Variants in SATL1 observed in about 807,000 individuals in gnomAD.
SATL1 encodes the protein spermidine/spermine N1-acetyl transferase like 1, also known as spermidine/spermine N(1)-acetyltransferase-like protein 1.
SATL1 carries 47 observed loss-of-function variants against 51.8 expected under a neutral mutation model. The ratio of observed to expected loss-of-function variants is 0.91; its 90% confidence interval spans 0.72 to 1.16. The LOEUF is 1.16. Among genes scored for constraint, SATL1 ranks in the 50% most tolerant of loss-of-function variants. SATL1 has a pLI of 0.00. For synonymous variants in SATL1, 176 were observed against 182.4 expected (o/e 0.97, Z 0.28); for missense variants, 520 against 526.4 (o/e 0.99, Z 0.12).
intron 2 of SATL1, among the ~76,000 whole-genome samples, chrX:85,199,229 G>T (rs773929035): frequency 9.0e-6 from 1 of 111,145 alleles, no homozygotes; most frequent in East Asian, 2.8e-4. Context: ...CTGCCTCCAT[G>T]AGTTCAATTC....
chrX:85,164,301 G>GT (rs1926785104), intron 2 of SATL1, among the ~76,000 whole-genome samples: 3 of 110,986 alleles, frequency 2.7e-5, no homozygotes, highest in Admixed American at 1.9e-4. Context: ...TGATTACCTT[G>GT]TTTTTTTATT....
chrX:85,228,421 AT>A (rs1022697031), intron 1 of SATL1, among the ~76,000 whole-genome samples: 1 of 111,611 alleles, frequency 9.0e-6, no homozygotes, highest in African/African-American at 3.3e-5. Context: ...TTTAAAAAAA[AT>A]GTCTATTGAT....
chrX:85,200,380 A>G (rs1927664555), intron 2 of SATL1, among the ~76,000 whole-genome samples: 1 of 112,453 alleles, frequency 8.9e-6, no homozygotes, highest in African/African-American at 3.2e-5. Flanking sequence ...CAATGAGCAG[A>G]TATAACTTGC....
intron 2 of SATL1, chrX:85,211,796 T>G (rs1927930424): frequency 8.9e-6 from 1 of 111,775 alleles, no homozygotes; most frequent in Non-Finnish European, 1.9e-5. Context: ...TAGATAGAAA[T>G]AGAAAGAGAC....
intron 2 of SATL1, among the ~76,000 whole-genome samples, chrX:85,173,131 T>A (rs191827994): frequency 9.0e-6 from 1 of 111,483 alleles, no homozygotes; most frequent in Admixed American, 9.6e-5. Flanking sequence ...AACTTTTATA[T>A]CATTGTTCAT....
At chrX:85,104,051 C>G (rs1924968542) in intron 3 of SATL1, 136 bp from the exon 4 acceptor site, 1 of 420,840 alleles carries the variant, frequency 2.4e-6, no homozygotes, top group Admixed American at 3.5e-5. Flanking sequence ...AGACTTAATC[C>G]CAGTCATCTA....
chrX:85,122,640 A>T (rs1925533504), intron 2 of SATL1, among the ~76,000 whole-genome samples: 1 of 112,005 alleles, frequency 8.9e-6, no homozygotes, highest in Non-Finnish European at 1.9e-5. Context: ...AGAAGAAGAA[A>T]TAAACTTTTC....
Position 85,108,421 on chromosome X carries a change from A to G in SATL1, c.548T>C (p.Leu183Pro), listed in dbSNP as rs771608450. 1.7e-6 allele frequency: 2 copies of G among 1,210,828 alleles called. No individual in the cohort carries two copies. Among genetic ancestry groups the G allele is most frequent in the Admixed American group, 4.3e-5 (2 of 45,992 alleles). The change falls in exon 3 of 8, where the codon CTG (leucine) becomes CCG (proline). Residue 183 changes from leucine (L) to proline (P), a missense_variant. Coordinates refer to ENST00000644105, the MANE Select transcript of SATL1 (RefSeq NM_001367857.2). ...TWQTGLSQPVLRQPNMSPPGM... is the reference protein window; with the variant it reads ...TWQTGLSQPVPRQPNMSPPGM... ...TGGTGGACTCATGTTTGGTTGCCTC[A>G]GGACTGGTTGGCTCAGTCCTGTTTG...
chrX:85,224,881 C>T (rs1395351772), intron 1 of SATL1, among the ~76,000 whole-genome samples: 1 of 110,185 alleles, frequency 9.1e-6, no homozygotes, highest in Non-Finnish European at 1.9e-5. Context: ...ACTTTTCCTT[C>T]AACTAGTGAA....
Position 85,108,073 on chromosome X carries a change from G to C in SATL1, c.896C>G (p.Ala299Gly). ...GTTTGTACCTGATTGCCTCATGCCA[G>C]CTTGGCTCATGCTTGGTTGTTTCAT... ...VDMKQPSMSQ[A>G]GMRQSGTNLP... is the part of the protein sequence containing the mutation. The change falls in exon 3 of 8, where the codon GCT becomes GGT. Residue 299 changes from alanine to glycine, a missense_variant. Physicochemically the swap from Ala to Gly is moderately conservative, Grantham distance 60 (BLOSUM62 0). Transcript: ENST00000644105. The C allele has an allele frequency of 1.7e-6, 2 of 1,211,553 alleles. No homozygotes were observed. The highest frequency in any genetic ancestry group is 2.2e-6 in the Non-Finnish European group (2 of 895,514).
chrX:85,151,579 A>C (rs1490162844), intron 2 of SATL1, among the ~76,000 whole-genome samples: 1 of 111,734 alleles, frequency 8.9e-6, no homozygotes. Context: ...CTACAAGGCT[A>C]CAGTAACCAA....
intron 2 of SATL1, among the ~76,000 whole-genome samples, chrX:85,153,427 TA>T (rs1390083045): frequency 1.8e-5 from 2 of 111,493 alleles, no homozygotes; most frequent in Admixed American, 9.6e-5. Context: ...GCTGACAATT[TA>T]AAAAACAGTC....
chrX:85,139,296 T>C (rs1278958323), intron 2 of SATL1, among the ~76,000 whole-genome samples: 1 of 111,886 alleles, frequency 8.9e-6, no homozygotes, highest in Non-Finnish European at 1.9e-5. Context: ...TATATGTATA[T>C]GTATTTATCA....
At chrX:85,110,742 G>A (rs1925240225) in intron 2 of SATL1, among the ~76,000 whole-genome samples, 1 of 112,144 alleles carries the variant, frequency 8.9e-6, no homozygotes, top group Admixed American at 9.5e-5. Flanking sequence ...AGCATGACAA[G>A]CAAATCAAGT....
intron 2 of SATL1, among the ~76,000 whole-genome samples, chrX:85,184,336 T>C (rs1927268827): frequency 9.0e-6 from 1 of 111,512 alleles, no homozygotes; most frequent in Non-Finnish European, 1.9e-5. Flanking sequence ...TGGTATGCTA[T>C]GGTCTTCTTG....
chrX:85,217,899 A>G (rs750158994), intron 2 of SATL1, among the ~76,000 whole-genome samples: 3 of 112,101 alleles, frequency 2.7e-5, no homozygotes, highest in East Asian at 2.8e-4. Context: ...GGCAACAAAT[A>G]TATATATTTT....
At chrX:85,166,331 AACAG>A (rs1926833962) in intron 2 of SATL1, among the ~76,000 whole-genome samples, 1 of 112,182 alleles carries the variant, frequency 8.9e-6, no homozygotes, top group South Asian at 3.6e-4. Context: ...ATAATCAGCA[AACAG>A]ACAACCAACA....
chrX:85,093,103 T>C (rs1373036495), intron 7 of SATL1, 82 bp downstream of exon 7: 13 of 932,769 alleles, frequency 1.4e-5, no homozygotes, highest in Non-Finnish European at 1.9e-5. Flanking sequence ...AATGGTGAGA[T>C]TAATGATTTA....
chrX:85,173,497 C>G (rs760860471), intron 2 of SATL1, among the ~76,000 whole-genome samples: 2 of 108,819 alleles, frequency 1.8e-5, no homozygotes, highest in African/African-American at 6.6e-5. Flanking sequence ...CCATGGTTTT[C>G]TTTTTTTTAT....
Sources: allele counts gnomAD v4.1 joint callset (sites outside exome capture counted in the v4.1 genomes callset), GRCh38; gene constraint gnomAD v4.1.1; transcripts MANE v1.5; gene names NCBI Gene and HGNC (gene_info 2026-07-23, HGNC 2026-07-21).